Variants in RNF216 observed in about 807,000 individuals in gnomAD.
RNF216 encodes the protein E3 ubiquitin-protein ligase RNF216.
In RNF216, 72 loss-of-function variants were observed where a neutral mutation model predicts 110.8. That is an observed-to-expected ratio of 0.65 (90% CI 0.54 to 0.79). The LOEUF is 0.79. Ranked by LOEUF, RNF216 falls within the 30% of genes least tolerant of loss-of-function variation. The pLI is 0.00. For synonymous variants in RNF216, 495 were observed against 407.5 expected (o/e 1.21, Z -2.59); for missense variants, 1,342 against 1,141.2 (o/e 1.18, Z -2.54).
chr7:5,747,969 AATCACCT>A (rs1795126456), intron 3 of RNF216, among the ~76,000 whole-genome samples: 2 of 151,856 alleles, frequency 1.3e-5, no homozygotes, highest in African/African-American at 4.8e-5. Context: ...AGGAAACAAA[AATCACCT>A]ATGAGGTCAG....
At chr7:5,753,095 G>A (rs770917576) in intron 2 of RNF216, 116 bp from the exon 3 acceptor site, 50 of 1,003,544 alleles carry the variant, frequency 5.0e-5, no homozygotes, top group Admixed American at 2.2e-4. Context: ...CTAGTGTAAC[G>A]TACCTCCTCA....
intron 1 of RNF216, among the ~76,000 whole-genome samples, chr7:5,762,376 G>A (rs1795979970): frequency 7.3e-5 from 11 of 151,332 alleles, no homozygotes; most frequent in Non-Finnish European, 1.5e-4. Flanking sequence ...CACACACACA[G>A]GCTGGGTGCG....
At chr7:5,771,066 A>C (rs1305774485) in intron 1 of RNF216, among the ~76,000 whole-genome samples, 2 of 152,158 alleles carry the variant, frequency 1.3e-5, no homozygotes, top group African/African-American at 2.4e-5. Flanking sequence ...TTGGCCTCCC[A>C]AAGTGCTGGG....
In RNF216 at chr7:5,652,467, C is replaced by A; in HGVS notation, c.2105G>T (p.Gly702Val). 1.2e-6 allele frequency: 2 copies of A among 1,613,922 alleles called. No homozygotes were observed. Among genetic ancestry groups the A allele is most frequent in the South Asian group, 2.2e-5 (2 of 91,070 alleles). ...TTCAGCCAGCTCTTCACAGGTGAGG[C>A]CATTATGTTCTTTCCAGAGTCCCTG... is the stretch of plus-strand genomic sequence containing the variant. ...KCQGLWKEHN[G>V]LTCEELAEKD... Residue 702 changes from glycine to valine, a missense_variant, in exon 14 of 17, where the codon GGC (glycine) becomes GTC (valine). By Grantham distance (109) the Gly-to-Val change is moderately radical. Transcript: ENST00000389902.
At chr7:5,780,871 G>T (rs1201209944) in intron 1 of RNF216, among the ~76,000 whole-genome samples, 1 of 152,220 alleles carries the variant, frequency 6.6e-6, no homozygotes, top group Admixed American at 6.5e-5. Flanking sequence ...AGGGTTGGTT[G>T]CAAGTGGCCC....
At chr7:5,706,559 A>G (rs1792303155) in intron 13 of RNF216, among the ~76,000 whole-genome samples, 1 of 152,262 alleles carries the variant, frequency 6.6e-6, no homozygotes, top group South Asian at 2.1e-4. Flanking sequence ...AGTATGTGCC[A>G]GGAGTTCCTT....
intron 14 of RNF216, among the ~76,000 whole-genome samples, chr7:5,646,921 T>C (rs1462621350): frequency 6.6e-6 from 1 of 152,074 alleles, no homozygotes; most frequent in African/African-American, 2.4e-5. Context: ...TAAAGCTCAG[T>C]GTGAGGTGAA....
intron 1 of RNF216, among the ~76,000 whole-genome samples, 167 bp from the exon 2 acceptor site, chr7:5,761,305 G>C (rs893717602): frequency 1.2e-4 from 18 of 150,868 alleles, no homozygotes; most frequent in South Asian, 8.4e-4. Flanking sequence ...CAAAACCTAT[G>C]ACATTAAAAC....
At chr7:5,625,454 G>A (rs1444134627) in intron 15 of RNF216, among the ~76,000 whole-genome samples, 4 of 152,130 alleles carry the variant, frequency 2.6e-5, no homozygotes, top group Non-Finnish European at 4.4e-5. Context: ...TTTTCATGCC[G>A]ATCTGATGAC....
intron 5 of RNF216, among the ~76,000 whole-genome samples, chr7:5,732,784 C>G (rs1180781403): frequency 6.6e-6 from 1 of 152,188 alleles, no homozygotes; most frequent in Non-Finnish European, 1.5e-5. Context: ...ATCTGCCCAC[C>G]TCTTCATATG....
chr7:5,770,151 A>G (rs1255730645), intron 1 of RNF216, among the ~76,000 whole-genome samples: 1 of 150,772 alleles, frequency 6.6e-6, no homozygotes, highest in African/African-American at 2.4e-5. Context: ...GTTTAAGGCC[A>G]GCGAAACCCC....
intron 4 of RNF216, among the ~76,000 whole-genome samples, chr7:5,740,588 ATG>A: frequency 6.6e-6 from 1 of 152,206 alleles, no homozygotes; most frequent in Admixed American, 6.5e-5. Context: ...AGACATTTAA[ATG>A]TAAACAGCCA....
intron 5 of RNF216, among the ~76,000 whole-genome samples, chr7:5,731,018 A>G (rs1794056176): frequency 6.6e-6 from 1 of 152,242 alleles, no homozygotes; most frequent in South Asian, 2.1e-4. Flanking sequence ...GAAAGACAAA[A>G]AAATTTAAAA....
chr7:5,691,283 G>T (rs1208992184), intron 13 of RNF216, among the ~76,000 whole-genome samples: 1 of 152,204 alleles, frequency 6.6e-6, no homozygotes, highest in African/African-American at 2.4e-5. Flanking sequence ...TGACTGCTAG[G>T]ACACTGTCTT....
chr7:5,780,619 C>T (rs1797027553), intron 1 of RNF216, among the ~76,000 whole-genome samples: 1 of 151,614 alleles, frequency 6.6e-6, no homozygotes, highest in African/African-American at 2.4e-5. Flanking sequence ...GCAGGAAAAT[C>T]GCTTGAATCC....
intron 13 of RNF216, among the ~76,000 whole-genome samples, chr7:5,681,667 G>A (rs1023404120): frequency 6.6e-6 from 1 of 152,222 alleles, no homozygotes; most frequent in African/African-American, 2.4e-5. Context: ...ACTGGGGATA[G>A]TTTTCTGTCT....
chr7:5,710,570 A>G (rs771736298), intron 13 of RNF216, among the ~76,000 whole-genome samples: 1 of 152,128 alleles, frequency 6.6e-6, no homozygotes, highest in Non-Finnish European at 1.5e-5. Flanking sequence ...GGACTACTCA[A>G]TAGGCAAGTA....
chr7:5,753,583 T>C lies in RNF216; in HGVS notation c.68-604A>G, dbSNP rs914487906. Among the ~76,000 whole-genome samples, 6 of 152,246 alleles carry C rather than the reference T, an allele frequency of 3.9e-5. No individual in the cohort carries two copies. In the South Asian group the frequency reaches 8.3e-4, roughly 21 times the overall value. ...ATGTAGTAATTCTATTCAAGGTTTTTACTTCCTTTTATCAATTTGAAAACA... is the reference window on the plus strand; with the variant it reads ...ATGTAGTAATTCTATTCAAGGTTTTCACTTCCTTTTATCAATTTGAAAACA... On this transcript the variant is annotated intron_variant, in intron 2 of 16. Coordinates refer to ENST00000389902, the MANE Select transcript of RNF216 (RefSeq NM_207111.4).
At chr7:5,671,805 C>CAAAAAAAAAAAAAAAAAAAAAA (rs11319565) in intron 13 of RNF216, among the ~76,000 whole-genome samples, 21 of 54,216 alleles carry the variant, frequency 3.9e-4, no homozygotes, top group Non-Finnish European at 5.3e-4. Context: ...AACTCCGTCT[C>CAAAAAAAAAAAAAAAAAAAAAA]AAAAAAAAAA....
Sources: allele counts gnomAD v4.1 joint callset (sites outside exome capture counted in the v4.1 genomes callset), GRCh38; gene constraint gnomAD v4.1.1; transcripts MANE v1.5; gene names NCBI Gene and HGNC (gene_info 2026-07-23, HGNC 2026-07-21).